VOPP1: variants seen among roughly 807,000 people sequenced by gnomAD.
VOPP1 encodes VOPP1 WW domain binding protein, also known as WW domain binding protein VOPP1.
Under a neutral mutation model 23.5 loss-of-function variants are expected in VOPP1, and 8 were observed. The observed-to-expected ratio is 0.34, with a 90% CI of 0.20 to 0.61. The LOEUF (loss-of-function observed/expected upper bound fraction) is 0.61. VOPP1 is among the 20% of genes least tolerant of loss of function. VOPP1 has a pLI of 0.78. For synonymous variants in VOPP1, 83 were observed against 97.3 expected, an observed-to-expected ratio of 0.85 and a Z score of 0.86; for missense variants, 174 against 238.1, an observed-to-expected ratio of 0.73 and a Z score of 1.77.
At chr7:55,537,530 T>G in intron 1 of VOPP1, 2 of 1,536,064 alleles carry the variant, frequency 1.3e-6, no homozygotes, top group African/African-American at 2.7e-5. Flanking sequence ...CTTCGCATTC[T>G]GTTAGGCGCA....
chr7:55,508,406 T>C (rs1794865649), intron 2 of VOPP1, among the ~76,000 whole-genome samples: 1 of 152,166 alleles, frequency 6.6e-6, no homozygotes, highest in South Asian at 2.1e-4. Flanking sequence ...TAGCTAAAAA[T>C]ACAGGTGCAC....
At chr7:55,538,592 T>C (rs900544975) in intron 1 of VOPP1, 3 of 1,534,660 alleles carry the variant, frequency 2.0e-6, no homozygotes, top group South Asian at 1.2e-5. Context: ...ATAACAAACA[T>C]AATAATCCAT....
chr7:55,469,492 A>C (rs536563648), downstream of VOPP1, among the ~76,000 whole-genome samples: 16 of 152,230 alleles, frequency 1.1e-4, no homozygotes, highest in Non-Finnish European at 2.4e-4. Context: ...AAAATCAAAC[A>C]GACTTTCAAA....
At chr7:55,548,232 A>G (rs1797449966) in intron 1 of VOPP1, among the ~76,000 whole-genome samples, 1 of 152,232 alleles carries the variant, frequency 6.6e-6, no homozygotes, top group Non-Finnish European at 1.5e-5. Context: ...GTTTTCAATT[A>G]TCAATTAAAA....
chr7:55,446,210 G>C (rs945238410), intron 4 of VOPP1, among the ~76,000 whole-genome samples: 13 of 152,108 alleles, frequency 8.5e-5, no homozygotes, highest in Admixed American at 7.2e-4. Context: ...AGCCAGGATG[G>C]TCTCAATCTC....
At chr7:55,536,958 G>A (rs1270410081) in intron 1 of VOPP1, among the ~76,000 whole-genome samples, 1 of 152,206 alleles carries the variant, frequency 6.6e-6, no homozygotes, top group Non-Finnish European at 1.5e-5. Flanking sequence ...GGCACCACCA[G>A]GGGAAGGTGG....
intron 1 of VOPP1, among the ~76,000 whole-genome samples, chr7:55,564,153 T>C (rs949099837): frequency 6.6e-6 from 1 of 152,092 alleles, no homozygotes; most frequent in Non-Finnish European, 1.5e-5. Context: ...CTGGCTGCTT[T>C]TCTCTCCAAC....
At chr7:55,570,670 C>T (rs958839240) in intron 1 of VOPP1, among the ~76,000 whole-genome samples, 1 of 152,114 alleles carries the variant, frequency 6.6e-6, no homozygotes, top group South Asian at 2.1e-4. Context: ...GGGCCGGGCG[C>T]GGTGGCTCAC....
At chr7:55,514,955 C>T (rs1480313890) in intron 2 of VOPP1, among the ~76,000 whole-genome samples, 1 of 152,188 alleles carries the variant, frequency 6.6e-6, no homozygotes, top group Non-Finnish European at 1.5e-5. Context: ...GTTCTGCCTC[C>T]TGCTGGATAA....
At chr7:55,501,023 G>GA (rs1042418435) in intron 2 of VOPP1, among the ~76,000 whole-genome samples, 1 of 152,114 alleles carries the variant, frequency 6.6e-6, no homozygotes, top group Admixed American at 6.5e-5. Context: ...GAGACAATGT[G>GA]AAAAAAACAG....
rs59534676 is a variant in VOPP1, at chr7:55,490,623, T to TAAAAC, written c.328+1654_328+1658dup. On this transcript the variant is annotated intron_variant, in intron 4 of 4. Coordinates refer to ENST00000285279, the MANE Select transcript of VOPP1 (RefSeq NM_030796.5). ...GGGCAGGGGCTGCTCCTCCCTGTAC[T>TAAAAC]AAAACCTCTCTGACTGATCCAGATG... Among the ~76,000 whole-genome samples the TAAAAC allele has an allele frequency of 5.4e-3, 817 of 152,314 alleles. 9 individuals carry two copies. Among genetic ancestry groups the TAAAAC allele is most frequent in the African/African-American group, 0.019 (785 of 41,574 alleles).
At chr7:55,440,284 G>T (rs1054444852) in intron 4 of VOPP1, among the ~76,000 whole-genome samples, 4 of 152,208 alleles carry the variant, frequency 2.6e-5, no homozygotes, top group African/African-American at 9.7e-5. Context: ...AGCATGATCT[G>T]GCTGGACCTT....
chr7:55,566,890 T>A (rs10225096), intron 1 of VOPP1, among the ~76,000 whole-genome samples: 1 of 152,172 alleles, frequency 6.6e-6, no homozygotes, highest in Non-Finnish European at 1.5e-5. Context: ...ACACACAAAA[T>A]GGGACCACAC....
At chr7:55,482,299 A>C (rs1294073090) in intron 4 of VOPP1, among the ~76,000 whole-genome samples, 4 of 152,010 alleles carry the variant, frequency 2.6e-5, no homozygotes, top group Non-Finnish European at 4.4e-5. Flanking sequence ...CATTACAAAA[A>C]AGAACCTCCT....
chr7:55,521,599 G>GTCACGGTTCACTCGTTGCCCTC, intron 1 of VOPP1: 1 of 987,806 alleles, frequency 1.0e-6, no homozygotes, highest in Non-Finnish European at 1.2e-6. Context: ...GATGCTGCGA[G>GTCACGGTTCACTCGTTGCCCTC]TCACGGTTCA....
chr7:55,519,187 G>C (rs553507359), intron 2 of VOPP1, among the ~76,000 whole-genome samples: 5 of 152,332 alleles, frequency 3.3e-5, no homozygotes, highest in African/African-American at 4.8e-5. Context: ...TCTGGACAGT[G>C]CACCTAGGGA....
intron 2 of VOPP1, among the ~76,000 whole-genome samples, chr7:55,508,300 C>T (rs1194911410): frequency 6.6e-6 from 1 of 152,202 alleles, no homozygotes; most frequent in Non-Finnish European, 1.5e-5. Context: ...CAAGGTCTCA[C>T]TGTGTCACCC....
downstream of VOPP1, among the ~76,000 whole-genome samples, chr7:55,468,135 G>A (rs562524543): frequency 1.3e-5 from 2 of 152,180 alleles, no homozygotes; most frequent in South Asian, 4.1e-4. Flanking sequence ...GCTGAGTGTG[G>A]TGGCATGTGC....
intron 2 of VOPP1, among the ~76,000 whole-genome samples, chr7:55,500,810 C>T (rs1370617379): frequency 1.3e-5 from 2 of 152,220 alleles, no homozygotes. Flanking sequence ...TGTTGCACCT[C>T]CAGCCCAGGT....
Sources: gnomAD v4.1 joint callset for allele counts (sites outside exome capture counted in the v4.1 genomes callset) on GRCh38, gnomAD v4.1.1 for gene constraint, MANE v1.5 for transcripts, NCBI Gene and HGNC (gene_info 2026-07-23, HGNC 2026-07-21) for gene names.